The following TSPAN17 variants were observed in gnomAD, a reference collection of about 807,000 sequenced individuals.
TSPAN17 encodes the protein tetraspanin-17.
Under a neutral mutation model 40.5 loss-of-function variants are expected in TSPAN17, and 33 were observed. The ratio of observed to expected loss-of-function variants is 0.81; its 90% CI spans 0.62 to 1.09. The LOEUF (loss-of-function observed/expected upper bound fraction) is 1.09. Among genes scored for constraint, TSPAN17 ranks in the 50% least tolerant of loss-of-function variants. The probability of loss-of-function intolerance (pLI) is 0.00; values close to 1 mark genes in which losing one functional copy is unlikely to be tolerated. For synonymous variants in TSPAN17, 166 were observed against 169.4 expected (o/e 0.98, Z 0.15); for missense variants, 365 against 416.8 (o/e 0.88, Z 1.08).
chr5:176,657,148 C>T, intron 8 of TSPAN17, 192 bp downstream of exon 8: 1 of 653,008 alleles, frequency 1.5e-6, no homozygotes, highest in Non-Finnish European at 2.6e-6. Flanking sequence ...TCCGCCTGGG[C>T]CTCTTGTCCC....
At position 176,650,372 on chromosome 5, in the gene TSPAN17, T is replaced by C. The variant is rs756921235; in HGVS notation, c.88-1244T>C. 2.6e-5 allele frequency among the ~76,000 whole-genome samples: 4 copies of C among 152,174 alleles called. No homozygotes were observed. Among genetic ancestry groups the C allele is most frequent in the African/African-American group, 9.7e-5 (4 of 41,444 alleles). Reference sequence around the variant, plus strand: ...GGAGGCTGAGAGCTCACTTCCCAGCTGTTTTCCCAAAGTGCTTTAATTGTA... The same window carrying C: ...GGAGGCTGAGAGCTCACTTCCCAGCCGTTTTCCCAAAGTGCTTTAATTGTA... On this transcript the variant is annotated intron_variant, in intron 1 of 8. Transcript: ENST00000508164. This position sits in a 1 kb window ranked among gnomAD's most constrained non-coding sequence, Gnocchi z 4.0.
chr5:176,647,841 C>T, intron 1 of TSPAN17, 139 bp downstream of exon 1: 1 of 814,044 alleles, frequency 1.2e-6, no homozygotes, highest in Non-Finnish European at 1.8e-6. Context: ...ACACCCACGC[C>T]CACTTCCAGG....
Position 176,651,831 on chromosome 5 carries a change from C to T in TSPAN17, c.216C>T (p.Gly72=), listed in dbSNP as rs964888128. 8.1e-6 allele frequency: 13 copies of T among 1,613,998 alleles called. 1 individual carries two copies. Among genetic ancestry groups the T allele is most frequent in the Non-Finnish European group, 1.0e-5 (12 of 1,180,022 alleles). The part of the protein sequence containing the change: ...DPVWLFVVVG[G]VMSVLGFAGC... ...TGTGGCTGTTTGTGGTAGTTGGAGG[C>T]GTCATGTCGGTGCTGGGCTTTGCTG... The change falls in exon 3 of 9, where the codon GGC becomes GGT. Residue 72 remains glycine, a synonymous_variant. Coordinates refer to ENST00000508164, the MANE Select transcript of TSPAN17 (RefSeq NM_130465.5). The surrounding 1 kb of genome is among the most constrained non-coding windows in gnomAD (Gnocchi z 4.5).
chr5:176,649,425 C>CT (rs1220950839), intron 1 of TSPAN17, among the ~76,000 whole-genome samples: 1 of 148,496 alleles, frequency 6.7e-6, no homozygotes, highest in Non-Finnish European at 1.5e-5. Flanking sequence ...TTCCTTTTTT[C>CT]TTTTTTCTTT....
Position 176,650,347 on chromosome 5 carries a change from GGAGGCTGA to G in TSPAN17, c.88-1265_88-1258del, listed in dbSNP as rs1760922252. Among the ~76,000 whole-genome samples, 1 of 152,218 alleles carries G rather than the reference GGAGGCTGA, an allele frequency of 6.6e-6. No individual in the cohort carries two copies. Among genetic ancestry groups the G allele is most frequent in the Non-Finnish European group, 1.5e-5 (1 of 68,044 alleles). On this transcript the variant is annotated intron_variant, in intron 1 of 8. Coordinates refer to ENST00000508164, the MANE Select transcript of TSPAN17 (RefSeq NM_130465.5). The surrounding 1 kb of genome is among the most constrained non-coding windows in gnomAD (Gnocchi z 4.0). The stretch of plus-strand genomic sequence containing the variant: ...ACACAGCCCTCCAGGAACTCCTGCT[GGAGGCTGA>G]GAGCTCACTTCCCAGCTGTTTTCCC...
chr5:176,652,777 A>G lies in TSPAN17; in HGVS notation c.320A>G (p.Glu107Gly), dbSNP rs981385401. Reference sequence around the variant, plus strand: ...TTCCTCGGTCTCATCTTCTTCCTGGAGCTGGCAACAGGGATCCTGGCCTTT... The same window carrying G: ...TTCCTCGGTCTCATCTTCTTCCTGGGGCTGGCAACAGGGATCCTGGCCTTT... Reference protein sequence around the residue: ...SVFLGLIFFLELATGILAFVF... With the variant: ...SVFLGLIFFLGLATGILAFVF... The change falls in exon 4 of 9, where the codon GAG becomes GGG. Residue 107 changes from glutamate to glycine, a missense_variant. By Grantham distance (98) the Glu-to-Gly change is moderately conservative. Transcript: ENST00000508164. The G allele has an allele frequency of 2.5e-5, 40 of 1,614,066 alleles. No individual in the cohort carries two copies. The highest frequency in any genetic ancestry group is 3.4e-5 in the Non-Finnish European group (40 of 1,179,992).
Position 176,652,757 on chromosome 5 carries a change from C to T in TSPAN17, c.300C>T (p.Leu100=), listed in dbSNP as rs78783345. 5.2e-4 allele frequency: 842 copies of T among 1,614,108 alleles called. 17 individuals carry two copies. The East Asian group carries it at 0.017, about 32-fold the overall frequency. Residue 100 remains leucine (L), a synonymous_variant, in exon 4 of 9, where the codon CTC becomes CTT. Coordinates refer to ENST00000508164, the MANE Select transcript of TSPAN17 (RefSeq NM_130465.5). Reference sequence around the variant, plus strand: ...CCCAACCCCAGTTCTCCGTGTTCCTCGGTCTCATCTTCTTCCTGGAGCTGG... The same window carrying T: ...CCCAACCCCAGTTCTCCGTGTTCCTTGGTCTCATCTTCTTCCTGGAGCTGG... ...TFLLKFFSVF[L]GLIFFLELAT...
In TSPAN17 at chr5:176,656,967, CA is replaced by C; in HGVS notation, c.809+12del. ...AGTGAAAGCCAACTGGTGAGGCCGC[CA>C]GAGGCCATGGCCACATGCCTGGCCT... On this transcript the variant is annotated intron_variant, in intron 8 of 8. Coordinates refer to ENST00000508164, the MANE Select transcript of TSPAN17 (RefSeq NM_130465.5). 3 of 1,611,536 alleles carry C rather than the reference CA, an allele frequency of 1.9e-6. No homozygotes were observed. Among genetic ancestry groups the C allele is most frequent in the Non-Finnish European group, 2.5e-6 (3 of 1,178,404 alleles).
In TSPAN17 at chr5:176,654,747, C is replaced by T. The variant is rs918264698; in HGVS notation, c.457-148C>T. 1 of 996,086 alleles carries T rather than the reference C, an allele frequency of 1.0e-6. No individual in the cohort carries two copies. The highest frequency in any genetic ancestry group is 1.6e-5 in the African/African-American group (1 of 62,086). The allele number at this position is 996,086 out of a possible 1,614,324, so 61.7% of individuals were successfully genotyped here. A position where few individuals can be genotyped will look rare whatever the true frequency, so the allele number is the denominator to read the frequency against. On this transcript the variant is annotated intron_variant, in intron 4 of 8. Transcript: ENST00000508164. This position sits in a 1 kb window ranked among gnomAD's most constrained non-coding sequence, Gnocchi z 4.3. The stretch of plus-strand genomic sequence containing the variant: ...ACCAGCCTGGAGGTTGGGCCCAGGC[C>T]TGTGGGGGTGGGGAGGTGGCCACCC...
intron 4 of TSPAN17, chr5:176,653,811 A>G (rs1761053797): frequency 6.6e-6 from 1 of 152,244 alleles, no homozygotes; most frequent in Non-Finnish European, 1.5e-5. Flanking sequence ...CATTCAGCAC[A>G]GGATTGTTAA....
intron 3 of TSPAN17, among the ~76,000 whole-genome samples, chr5:176,652,466 T>G (rs997665677): frequency 6.6e-6 from 1 of 152,208 alleles, no homozygotes; most frequent in African/African-American, 2.4e-5. Flanking sequence ...GGGAGGTGTC[T>G]CCATCCGAAC....
At chr5:176,656,981 A>G (rs778943343) in intron 8 of TSPAN17, 25 bp downstream of exon 8, 2 of 1,609,628 alleles carry the variant, frequency 1.2e-6, no homozygotes, top group South Asian at 1.1e-5. Flanking sequence ...GGCCATGGCC[A>G]CATGCCTGGC....
At position 176,651,590 on chromosome 5, in the gene TSPAN17, T is replaced by C; in HGVS notation, c.88-26T>C. ...AGGGTCCTGGGGCTGCTCCCAGCCC[T>C]GAGCTCTTTGTTGCTGCCCTTGCAG... On this transcript the variant is annotated intron_variant, in intron 1 of 8. Coordinates refer to ENST00000508164, the MANE Select transcript of TSPAN17 (RefSeq NM_130465.5). The surrounding 1 kb of genome is among the most constrained non-coding windows in gnomAD (Gnocchi z 4.5). The C allele has an allele frequency of 6.2e-7, 1 of 1,605,978 alleles. No individual in the cohort carries two copies. Among genetic ancestry groups the C allele is most frequent in the Non-Finnish European group, 8.5e-7 (1 of 1,175,412 alleles).
intron 8 of TSPAN17, chr5:176,657,229 T>C: frequency 1.6e-6 from 1 of 622,892 alleles, no homozygotes; most frequent in Non-Finnish European, 2.8e-6. Context: ...ACATTTGGGG[T>C]GGTGGACTCT....
chr5:176,655,466 G>T (rs997935351), intron 5 of TSPAN17, among the ~76,000 whole-genome samples: 1 of 152,126 alleles, frequency 6.6e-6, no homozygotes, highest in African/African-American at 2.4e-5. Flanking sequence ...GTCCCTTTAC[G>T]ACTTTCTTCA....
Position 176,658,253 on chromosome 5 carries a change from C to G in TSPAN17, c.*555C>G, listed in dbSNP as rs1211149940. On this transcript the variant is annotated 3_prime_UTR_variant, in exon 9 of 9. Transcript: ENST00000508164. ...TCTGGCTTCCTCCCGCAACCTCACT[C>G]TAGTAGAGCCTGTGCCTGCCTACTA... 1 of 152,540 alleles carries G rather than the reference C, an allele frequency of 6.6e-6. No individual in the cohort carries two copies. Among genetic ancestry groups the G allele is most frequent in the East Asian group, 1.9e-4 (1 of 5,190 alleles). The allele number at this position is 152,540 out of a possible 1,614,324, so 9.4% of individuals were successfully genotyped here.
At chr5:176,657,050 G>A in intron 8 of TSPAN17, 94 bp downstream of exon 8, 1 of 1,293,832 alleles carries the variant, frequency 7.7e-7, no homozygotes, top group South Asian at 1.4e-5. Context: ...GACGGGCAAG[G>A]CTGCAGGAGA....
At chr5:176,652,149 T>G (rs1760993332) in intron 3 of TSPAN17, among the ~76,000 whole-genome samples, 1 of 152,198 alleles carries the variant, frequency 6.6e-6, no homozygotes, top group Non-Finnish European at 1.5e-5. Flanking sequence ...GCCGGTGCAT[T>G]TTGATCCAGG....
chr5:176,648,651 G>A (rs1760842049), intron 1 of TSPAN17, among the ~76,000 whole-genome samples: 2 of 152,226 alleles, frequency 1.3e-5, no homozygotes, highest in Admixed American at 6.5e-5. Flanking sequence ...TGGGCAGTGT[G>A]TGGGAGCACT....
Sources: allele counts gnomAD v4.1 joint callset (sites outside exome capture counted in the v4.1 genomes callset), GRCh38; gene constraint gnomAD v4.1.1; non-coding constraint Gnocchi (gnomAD v3.1); transcripts MANE v1.5; gene names NCBI Gene and HGNC (gene_info 2026-07-23, HGNC 2026-07-21).